SLC25A25: variants seen among roughly 807,000 people sequenced by gnomAD.
SLC25A25 encodes mitochondrial adenyl nucleotide antiporter SLC25A25.
SLC25A25 carries 32 observed loss-of-function variants against 57.7 expected under a neutral mutation model. The ratio of observed to expected loss-of-function variants is 0.55; its 90% CI spans 0.42 to 0.74. The LOEUF (loss-of-function observed/expected upper bound fraction) is 0.74. SLC25A25 is among the 30% of genes least tolerant of loss of function. The pLI, the probability that SLC25A25 is intolerant of heterozygous loss-of-function variation, is 0.00. For missense variants in SLC25A25, 556 were observed against 701.3 expected (o/e 0.79, Z 2.34); for synonymous variants, 306 against 291.2 (o/e 1.05, Z -0.52).
At chr9:128,090,243 G>A (rs1328410348) in intron 1 of SLC25A25, among the ~76,000 whole-genome samples, 2 of 151,542 alleles carry the variant, frequency 1.3e-5, no homozygotes, top group African/African-American at 2.4e-5. Flanking sequence ...ATGAAATTTC[G>A]CTCTTGTCAC....
Position 128,068,366 on chromosome 9 carries a change from ACGCCGCCGC to A in SLC25A25, c.49_57del (p.Ala17_Ala19del), listed in dbSNP as rs746100757. The A allele has an allele frequency of 2.3e-5, 36 of 1,543,502 alleles. 1 individual carries two copies. The highest frequency in any genetic ancestry group is 2.0e-4 in the Middle Eastern group (1 of 4,962). ...CGCTGTGTGGCCTCCCCGCCGCCGG[ACGCCGCCGC>A]CACCGCCGCCTCTTCGTCTGCCTCA... On this transcript the variant is annotated inframe_deletion, in exon 1 of 11. Coordinates refer to ENST00000373069, the MANE Select transcript of SLC25A25 (RefSeq NM_001330988.2).
intron 6 of SLC25A25, among the ~76,000 whole-genome samples, chr9:128,105,119 A>C (rs973357947): frequency 7.0e-5 from 10 of 142,872 alleles, no homozygotes; most frequent in African/African-American, 2.3e-4. Flanking sequence ...TCGGCCTCCC[A>C]AAGTGCTGGG....
intron 1 of SLC25A25, among the ~76,000 whole-genome samples, chr9:128,079,627 A>C: frequency 6.7e-6 from 1 of 149,264 alleles, no homozygotes; most frequent in Non-Finnish European, 1.5e-5. Flanking sequence ...AAAAAAAAAA[A>C]TTAGCCGGGC....
chr9:128,094,028 C>G (rs1833489535), intron 1 of SLC25A25, among the ~76,000 whole-genome samples: 1 of 152,094 alleles, frequency 6.6e-6, no homozygotes. Context: ...CGTGCCTGTA[C>G]TCCCAGCTAC....
At chr9:128,081,564 C>T (rs572055824) in intron 1 of SLC25A25, among the ~76,000 whole-genome samples, 1 of 152,158 alleles carries the variant, frequency 6.6e-6, no homozygotes, top group African/African-American at 2.4e-5. Flanking sequence ...ACCATATTCA[C>T]CCCCTGCTCC....
intron 1 of SLC25A25, among the ~76,000 whole-genome samples, chr9:128,082,365 G>T (rs545599308): frequency 6.6e-6 from 1 of 152,230 alleles, no homozygotes; most frequent in South Asian, 2.1e-4. Context: ...TCCAATTGTT[G>T]CTGAGTCACA....
At position 128,099,473 on chromosome 9, in the gene SLC25A25, C is replaced by CA; in HGVS notation, c.262-1622dup. On this transcript the variant is annotated intron_variant, in intron 1 of 10. Transcript: ENST00000373069. This position sits in a 1 kb window ranked among gnomAD's most constrained non-coding sequence, Gnocchi z 6.8. ...ACCCTGGCAGCAGGCGGCTGGGTCC[C>CA]AGAGGGCTCCATGCCTGATGTTCGC... 9.6e-7 allele frequency: 1 copy of CA among 1,043,358 alleles called. No homozygotes were observed. The highest frequency in any genetic ancestry group is 1.2e-6 in the Non-Finnish European group (1 of 830,238). The allele number at this position is 1,043,358 out of a possible 1,614,324, so 64.6% of individuals were successfully genotyped here.
chr9:128,098,392 C>A, intron 1 of SLC25A25: 1 of 1,289,196 alleles, frequency 7.8e-7, no homozygotes, highest in Non-Finnish European at 1.0e-6. Context: ...TGGCTGTTGG[C>A]AGGACTTGCC....
Position 128,098,617 on chromosome 9 carries a change from G to C in SLC25A25, c.262-2479G>C, listed in dbSNP as rs568904522. The C allele has an allele frequency of 1.9e-6, 3 of 1,614,146 alleles. No individual in the cohort carries two copies. In the African/African-American group the frequency reaches 4.0e-5, roughly 22 times the overall value. ...CGGTCATCGGGGAAGCCCAGACCGA[G>C]TTCCAGTACTTTGAGTCGAAGGGGC... is the stretch of plus-strand genomic sequence containing the variant. On this transcript the variant is annotated intron_variant, in intron 1 of 10. Coordinates refer to ENST00000373069, the MANE Select transcript of SLC25A25 (RefSeq NM_001330988.2).
rs116220772 is a variant in SLC25A25, at chr9:128,099,247, G to A, written c.262-1849G>A. 2,225 of 1,289,038 alleles carry A rather than the reference G, an allele frequency of 1.7e-3. 25 individuals are homozygous for A. The African/African-American group carries it at 0.028, about 16-fold the overall frequency. 79.9% of individuals were successfully genotyped at this position (1,289,038 alleles called of 1,614,324 possible). ...AGGCCCCTTGCCACCTCGGCTTCTC[G>A]GTTAATCAGTTTCCCTGCTACCCCC... On this transcript the variant is annotated intron_variant, in intron 1 of 10. Coordinates refer to ENST00000373069, the MANE Select transcript of SLC25A25 (RefSeq NM_001330988.2). This position sits in a 1 kb window ranked among gnomAD's most constrained non-coding sequence, Gnocchi z 6.8.
chr9:128,098,056 T>C (rs1833618039), intron 1 of SLC25A25, among the ~76,000 whole-genome samples: 2 of 152,204 alleles, frequency 1.3e-5, no homozygotes, highest in Non-Finnish European at 1.5e-5. Flanking sequence ...CTGGGCCCGT[T>C]TGCAGTGGCA....
At chr9:128,104,093 G>A (rs1028712703) in intron 6 of SLC25A25, among the ~76,000 whole-genome samples, 3 of 152,150 alleles carry the variant, frequency 2.0e-5, no homozygotes, top group African/African-American at 4.8e-5. Context: ...TGAAGCTAGC[G>A]AGACTGGGGT....
In SLC25A25 at chr9:128,095,925, G is replaced by A. The variant is rs759320723; in HGVS notation, c.262-5171G>A. ...ATAAAACTCAATGGTACAGTAATAT[G>A]TGCCATAATTATTTTTAAAATATAC... On this transcript the variant is annotated intron_variant, in intron 1 of 10. Transcript: ENST00000373069. The surrounding 1 kb of genome is among the most constrained non-coding windows in gnomAD (Gnocchi z 4.4). Among the ~76,000 whole-genome samples the A allele has an allele frequency of 6.6e-6, 1 of 152,170 alleles. No individual in the cohort carries two copies. The highest frequency in any genetic ancestry group is 1.5e-5 in the Non-Finnish European group (1 of 68,022).
intron 1 of SLC25A25, chr9:128,090,823 C>CAATT (rs1435101122): frequency 1.3e-5 from 2 of 152,208 alleles, no homozygotes; most frequent in African/African-American, 4.8e-5. Flanking sequence ...ATCAATCAAT[C>CAATT]AATCAATAAA....
rs1271342330 is a variant in SLC25A25, at chr9:128,103,859, C to T, written c.783+20C>T. ...ATGCAGGTATGTAGGGAAAAGGCCC[C>T]AGACCCCTGGGGGGCCAGTTTCCAC... On this transcript the variant is annotated intron_variant, in intron 6 of 10. Coordinates refer to ENST00000373069, the MANE Select transcript of SLC25A25 (RefSeq NM_001330988.2). This position sits in a 1 kb window ranked among gnomAD's most constrained non-coding sequence, Gnocchi z 6.7. 7.8e-6 allele frequency: 12 copies of T among 1,528,898 alleles called. No homozygotes were observed. In the East Asian group the frequency reaches 2.6e-4, roughly 33 times the overall value. The allele number at this position is 1,528,898 out of a possible 1,614,324, so 94.7% of individuals were successfully genotyped here. A position where few individuals can be genotyped will look rare whatever the true frequency, so the allele number is the denominator to read the frequency against.
chr9:128,106,695 A>G (rs571776416), intron 9 of SLC25A25, among the ~76,000 whole-genome samples, 175 bp downstream of exon 9: 3 of 152,270 alleles, frequency 2.0e-5, no homozygotes, highest in African/African-American at 7.2e-5. Context: ...GGCAGACCCC[A>G]GCAGCTCCTG....
Position 128,102,202 on chromosome 9 carries a change from G to A in SLC25A25, c.512+87G>A. On this transcript the variant is annotated intron_variant, in intron 4 of 10. Transcript: ENST00000373069. This position sits in a 1 kb window ranked among gnomAD's most constrained non-coding sequence, Gnocchi z 4.1. ...TCTTGTGGGCCATTATATTGCCATT[G>A]TTGTGCTAAGTGGGGTGTGGAGCCC... 1.3e-6 allele frequency: 2 copies of A among 1,505,878 alleles called. No homozygotes were observed. Among genetic ancestry groups the A allele is most frequent in the Non-Finnish European group, 1.8e-6 (2 of 1,106,038 alleles). 93.3% of individuals were successfully genotyped at this position (1,505,878 alleles called of 1,614,324 possible).
chr9:128,091,461 T>C, intron 1 of SLC25A25: 1 of 986,170 alleles, frequency 1.0e-6, no homozygotes, highest in Non-Finnish European at 1.2e-6. Context: ...GCTTGGGTGA[T>C]GAGCGAGGAC....
In SLC25A25 at chr9:128,100,667, C is replaced by T. The variant is rs551786927; in HGVS notation, c.262-429C>T. Among the ~76,000 whole-genome samples the T allele has an allele frequency of 3.9e-5, 6 of 152,338 alleles. No individual in the cohort carries two copies. In the South Asian group the frequency reaches 1.0e-3, roughly 26 times the overall value. On this transcript the variant is annotated intron_variant, in intron 1 of 10. Transcript: ENST00000373069. ...AGAAACTGGACTCCATGGCCATCCC[C>T]AAGTCTCAGCAGGGAGCATGTGTGG...
Sources: allele counts gnomAD v4.1 joint callset (sites outside exome capture counted in the v4.1 genomes callset), GRCh38; gene constraint gnomAD v4.1.1; non-coding constraint Gnocchi (gnomAD v3.1); transcripts MANE v1.5; gene names NCBI Gene and HGNC (gene_info 2026-07-23, HGNC 2026-07-21).